FHIT: variants seen among roughly 807,000 people sequenced by gnomAD.
FHIT encodes the protein bis(5'-adenosyl)-triphosphatase.
In FHIT, 19 loss-of-function variants were observed where a neutral mutation model predicts 17.9. That is an observed-to-expected ratio of 1.06 (90% CI 0.74 to 1.56). The LOEUF is 1.56. Among genes scored for constraint, FHIT ranks in the 40% most tolerant of loss-of-function variants. The probability of loss-of-function intolerance (pLI) is 0.00; values close to 1 mark genes in which losing one functional copy is unlikely to be tolerated. For missense variants in FHIT, 248 were observed against 189.2 expected, an observed-to-expected ratio of 1.31 and a Z score of -1.82; for synonymous variants, 81 against 69.7, an observed-to-expected ratio of 1.16 and a Z score of -0.81.
intron 4 of FHIT, among the ~76,000 whole-genome samples, chr3:60,629,637 CTATCTT>C (rs1258144613): frequency 5.3e-5 from 8 of 152,342 alleles, no homozygotes; most frequent in African/African-American, 1.9e-4. Flanking sequence ...TTTTCCAACT[CTATCTT>C]TCTCTGATAG....
At chr3:59,867,042 G>T (rs1317056035) in intron 8 of FHIT, among the ~76,000 whole-genome samples, 2 of 150,548 alleles carry the variant, frequency 1.3e-5, no homozygotes, top group Non-Finnish European at 2.9e-5. Context: ...AACAGGGATT[G>T]CATCACCCTC....
chr3:59,844,209 T>C (rs1701633729), intron 8 of FHIT, among the ~76,000 whole-genome samples: 1 of 152,178 alleles, frequency 6.6e-6, no homozygotes, highest in Non-Finnish European at 1.5e-5. Context: ...TATTCTTTTA[T>C]AGCAATGGAA....
chr3:59,937,377 G>T (rs530957917), intron 7 of FHIT, among the ~76,000 whole-genome samples: 1 of 152,156 alleles, frequency 6.6e-6, no homozygotes, highest in South Asian at 2.1e-4. Context: ...TCTGCAGAGC[G>T]GTGATGAAAT....
intron 4 of FHIT, among the ~76,000 whole-genome samples, chr3:60,750,040 A>G (rs574612302): frequency 7.0e-4 from 107 of 152,300 alleles, no homozygotes; most frequent in African/African-American, 2.4e-3. Context: ...TATCTTGTCA[A>G]AGCCATATAA....
chr3:60,466,823 GTT>G (rs34184253), intron 5 of FHIT, among the ~76,000 whole-genome samples: 24,603 of 135,272 alleles, frequency 0.18, 2,915 homozygotes, highest in African/African-American at 0.34. Context: ...CTTGCCTGCA[GTT>G]TTTTTTTTTT....
chr3:60,212,280 A>C (rs1006237723), intron 5 of FHIT, among the ~76,000 whole-genome samples: 1 of 152,204 alleles, frequency 6.6e-6, no homozygotes, highest in Non-Finnish European at 1.5e-5. Flanking sequence ...TCAGAAAATA[A>C]GCCTCTGAGG....
chr3:60,343,229 G>T (rs568729979), intron 5 of FHIT, among the ~76,000 whole-genome samples: 1 of 152,244 alleles, frequency 6.6e-6, no homozygotes, highest in Non-Finnish European at 1.5e-5. Context: ...TTTCTACTTT[G>T]TAGAATCTAC....
chr3:61,070,044 C>T (rs922808027), intron 2 of FHIT, among the ~76,000 whole-genome samples: 13 of 152,212 alleles, frequency 8.5e-5, no homozygotes, highest in East Asian at 5.8e-4. Context: ...CTGAGTAGCA[C>T]GCCTGGCTGG....
At position 60,117,233 on chromosome 3, in the gene FHIT, A is replaced by T. The variant is rs904114221; in HGVS notation, c.104-103081T>A. Reference sequence around the variant, plus strand: ...TCTTCCCCGGCCTGGGAGCCCTACAAGCCGAAGACATTTAAAATGTCTGTA... The same window carrying T: ...TCTTCCCCGGCCTGGGAGCCCTACATGCCGAAGACATTTAAAATGTCTGTA... On this transcript the variant is annotated intron_variant, in intron 5 of 9. Coordinates refer to ENST00000492590, the MANE Select transcript of FHIT (RefSeq NM_002012.4). 4.2e-4 allele frequency among the ~76,000 whole-genome samples: 64 copies of T among 151,466 alleles called. 2 individuals carry two copies. The highest frequency in any genetic ancestry group is 4.0e-4 in the Admixed American group (6 of 15,184).
chr3:60,486,452 G>C (rs542715242), intron 5 of FHIT, among the ~76,000 whole-genome samples: 2 of 152,124 alleles, frequency 1.3e-5, no homozygotes, highest in South Asian at 4.2e-4. Context: ...ATTCCCCAAA[G>C]CTCCTAACAT....
intron 5 of FHIT, among the ~76,000 whole-genome samples, chr3:60,042,685 T>C (rs1442292382): frequency 6.6e-6 from 1 of 152,092 alleles, no homozygotes; most frequent in Non-Finnish European, 1.5e-5. Flanking sequence ...CGTCTCCAGA[T>C]ACACTCACAT....
chr3:60,417,002 T>C (rs893204993), intron 5 of FHIT, among the ~76,000 whole-genome samples: 11 of 150,130 alleles, frequency 7.3e-5, no homozygotes, highest in African/African-American at 1.7e-4. Context: ...GGCAGGAGAA[T>C]GGCATGAACC....
intron 5 of FHIT, among the ~76,000 whole-genome samples, chr3:60,188,050 C>T (rs1012610086): frequency 1.3e-5 from 2 of 152,056 alleles, no homozygotes; most frequent in Non-Finnish European, 2.9e-5. Context: ...TTACACAGAG[C>T]ATCATAGATT....
At chr3:59,926,571 T>C (rs1163331609) in intron 7 of FHIT, among the ~76,000 whole-genome samples, 1 of 152,170 alleles carries the variant, frequency 6.6e-6, no homozygotes, top group Non-Finnish European at 1.5e-5. Context: ...AATTTAAGGC[T>C]GTAGTAAGGA....
chr3:60,798,001 T>C (rs186169727), intron 4 of FHIT, among the ~76,000 whole-genome samples: 279 of 152,326 alleles, frequency 1.8e-3, no homozygotes, highest in South Asian at 3.3e-3. Flanking sequence ...TAAATACAAA[T>C]GCAGTTTAAT....
chr3:60,861,899 G>T (rs980361424), intron 3 of FHIT, among the ~76,000 whole-genome samples: 1 of 146,008 alleles, frequency 6.8e-6, no homozygotes, highest in Non-Finnish European at 1.5e-5. Flanking sequence ...GCAGTGAGCT[G>T]AGATCGCGCC....
chr3:60,508,091 T>C (rs2034806891), intron 5 of FHIT, among the ~76,000 whole-genome samples: 1 of 152,164 alleles, frequency 6.6e-6, no homozygotes, highest in South Asian at 2.1e-4. Flanking sequence ...GCTAGCTACA[T>C]GGAGAATGTA....
At chr3:60,207,564 C>G (rs2107508537) in intron 5 of FHIT, among the ~76,000 whole-genome samples, 1 of 152,166 alleles carries the variant, frequency 6.6e-6, no homozygotes, top group Middle Eastern at 3.4e-3. Flanking sequence ...AATTTAGAAT[C>G]ACCACCCCAC....
At position 60,187,557 on chromosome 3, in the gene FHIT, G is replaced by A. The variant is rs1190497813; in HGVS notation, c.104-173405C>T. Among the ~76,000 whole-genome samples the A allele has an allele frequency of 2.0e-5, 3 of 152,250 alleles. No individual in the cohort carries two copies. In the East Asian group the frequency reaches 5.8e-4, roughly 29 times the overall value. ...TGAGTCTTCAATCTAGAGAGTGGGTGATCACTTACAAAAATGGCATTCTGC... is the reference window on the plus strand; with the variant it reads ...TGAGTCTTCAATCTAGAGAGTGGGTAATCACTTACAAAAATGGCATTCTGC... On this transcript the variant is annotated intron_variant, in intron 5 of 9. Coordinates refer to ENST00000492590, the MANE Select transcript of FHIT (RefSeq NM_002012.4).
Sources: gnomAD v4.1 joint callset for allele counts (sites outside exome capture counted in the v4.1 genomes callset) on GRCh38, gnomAD v4.1.1 for gene constraint, MANE v1.5 for transcripts, NCBI Gene and HGNC (gene_info 2026-07-23, HGNC 2026-07-21) for gene names.